Variants in PPP6R3 observed in about 807,000 individuals in gnomAD.
The protein encoded by PPP6R3 is serine/threonine-protein phosphatase 6 regulatory subunit 3.
PPP6R3 carries 38 observed loss-of-function variants against 110.7 expected under a neutral mutation model. That is an observed-to-expected ratio of 0.34 (90% CI 0.26 to 0.45). The LOEUF is 0.45. PPP6R3 is among the 20% of genes least tolerant of loss of function. The pLI, the probability that PPP6R3 is intolerant of heterozygous loss-of-function variation, is 1.00. For synonymous variants in PPP6R3, 369 were observed against 373.5 expected (o/e 0.99, Z 0.14); for missense variants, 870 against 1,062.4 (o/e 0.82, Z 2.52).
At chr11:68,549,838 A>G (rs2099363784) in intron 5 of PPP6R3, among the ~76,000 whole-genome samples, 1 of 152,094 alleles carries the variant, frequency 6.6e-6, no homozygotes, top group Admixed American at 6.5e-5. Context: ...GTTAGTTAGA[A>G]ACCCCTAAAT....
intron 2 of PPP6R3, among the ~76,000 whole-genome samples, chr11:68,527,416 A>G (rs576524028): frequency 2.5e-4 from 38 of 152,260 alleles, no homozygotes; most frequent in African/African-American, 8.7e-4. Context: ...CAGTCTCTAC[A>G]GTGCCCCACC....
intron 1 of PPP6R3, among the ~76,000 whole-genome samples, chr11:68,489,540 G>A: frequency 6.9e-6 from 1 of 144,740 alleles, no homozygotes; most frequent in Non-Finnish European, 1.5e-5. Context: ...TCACTTTGCA[G>A]ATACTGTGTG....
rs1490878894 is a variant in PPP6R3, at chr11:68,489,544, CTGTGTGTT to C, written c.-158+28725_-158+28732del. On this transcript the variant is annotated intron_variant, in intron 1 of 23. Transcript: ENST00000393800. ...CTCACTTTCTTTCACTTTGCAGATA[CTGTGTGTT>C]TGTGTGTGTGTGTGTGTGTGTGTGT... Among the ~76,000 whole-genome samples the C allele has an allele frequency of 4.9e-4, 31 of 63,342 alleles. No individual in the cohort carries two copies. The South Asian group carries it at 0.011, about 22-fold the overall frequency. 41.6% of individuals were successfully genotyped at this position (63,342 alleles called of 152,430 possible).
chr11:68,581,650 C>T (rs2099555006), intron 14 of PPP6R3, among the ~76,000 whole-genome samples: 1 of 152,218 alleles, frequency 6.6e-6, no homozygotes, highest in Non-Finnish European at 1.5e-5. Context: ...TGTGAGATGC[C>T]AGCTGCCATG....
At chr11:68,483,548 T>A (rs1164368262) in intron 1 of PPP6R3, among the ~76,000 whole-genome samples, 3 of 151,746 alleles carry the variant, frequency 2.0e-5, no homozygotes, top group African/African-American at 7.3e-5. Flanking sequence ...AGTGGTGTGA[T>A]CTCGGCTCAT....
chr11:68,554,305 C>A, intron 7 of PPP6R3, 48 bp downstream of exon 7: 1 of 1,378,872 alleles, frequency 7.3e-7, no homozygotes, highest in Non-Finnish European at 1.0e-6. Context: ...TGATGCTGTT[C>A]CATGTGTTAC....
chr11:68,497,890 T>G lies in PPP6R3; in HGVS notation c.-157-21611T>G, dbSNP rs149289932. Among the ~76,000 whole-genome samples, 87 of 152,348 alleles carry G rather than the reference T, an allele frequency of 5.7e-4. 1 individual carries two copies. Among genetic ancestry groups the G allele is most frequent in the African/African-American group, 2.0e-3 (82 of 41,578 alleles). Reference sequence around the variant, plus strand: ...TTTCTGAGTTTTGATTGCCTCATTTTTAATGACTATTTCACTGGATAGATA... The same window carrying G: ...TTTCTGAGTTTTGATTGCCTCATTTGTAATGACTATTTCACTGGATAGATA... On this transcript the variant is annotated intron_variant, in intron 1 of 23. Coordinates refer to ENST00000393800, the MANE Select transcript of PPP6R3 (RefSeq NM_001164161.2).
intron 22 of PPP6R3, among the ~76,000 whole-genome samples, chr11:68,608,824 G>A (rs1277776020): frequency 6.6e-6 from 1 of 152,150 alleles, no homozygotes; most frequent in Non-Finnish European, 1.5e-5. Context: ...ATTTTTTAAA[G>A]AATTAGAATT....
intron 9 of PPP6R3, 92 bp from the exon 10 acceptor site, chr11:68,566,922 T>G (rs2099474897): frequency 9.1e-7 from 1 of 1,101,848 alleles, no homozygotes; most frequent in Non-Finnish European, 1.2e-6. Flanking sequence ...CCATGTTGTT[T>G]GCAGGGTTTA....
At chr11:68,598,445 C>T (rs1490716261) in intron 19 of PPP6R3, among the ~76,000 whole-genome samples, 1 of 152,148 alleles carries the variant, frequency 6.6e-6, no homozygotes, top group Non-Finnish European at 1.5e-5. Flanking sequence ...TCGCGTTTAC[C>T]TACCTCCCGG....
chr11:68,580,328 G>A (rs961225083), intron 14 of PPP6R3, among the ~76,000 whole-genome samples: 9 of 152,184 alleles, frequency 5.9e-5, no homozygotes, highest in African/African-American at 2.2e-4. Flanking sequence ...ACTAAAAAGT[G>A]CCATACCTTG....
Position 68,499,280 on chromosome 11 carries a change from T to C in PPP6R3, c.-157-20221T>C, listed in dbSNP as rs113095926. Among the ~76,000 whole-genome samples, 7 of 152,304 alleles carry C rather than the reference T, an allele frequency of 4.6e-5. 2 individuals carry two copies. Among genetic ancestry groups the C allele is most frequent in the African/African-American group, 1.7e-4 (7 of 41,572 alleles). On this transcript the variant is annotated intron_variant, in intron 1 of 23. Transcript: ENST00000393800. ...TCTGGCTTGGGTGTGATTAGCCCTC[T>C]GAAGCCTTCATGGATCCGCTGGAGG...
intron 1 of PPP6R3, among the ~76,000 whole-genome samples, chr11:68,484,002 C>T (rs1186142541): frequency 2.6e-5 from 4 of 152,180 alleles, no homozygotes; most frequent in Non-Finnish European, 4.4e-5. Flanking sequence ...GCTTCTTTCA[C>T]GTAATAATAT....
intron 4 of PPP6R3, 118 bp from the exon 5 acceptor site, chr11:68,547,949 G>A: frequency 1.9e-6 from 2 of 1,030,774 alleles, no homozygotes; most frequent in Non-Finnish European, 2.7e-6. Context: ...TTCAGCATTT[G>A]CCATTTCTCA....
Position 68,461,202 on chromosome 11 carries a change from C to T in PPP6R3, c.-158+375C>T, listed in dbSNP as rs535245587. Among the ~76,000 whole-genome samples, 553 of 151,484 alleles carry T rather than the reference C, an allele frequency of 3.7e-3. 5 individuals carry two copies. The highest frequency in any genetic ancestry group is 0.013 in the African/African-American group (533 of 41,440). ...CGCCGGCCGCGGCCCGCAGTCTCGCCCCCCGCCCGGCCCGCGCCCGGTCTC... is the reference window on the plus strand; with the variant it reads ...CGCCGGCCGCGGCCCGCAGTCTCGCTCCCCGCCCGGCCCGCGCCCGGTCTC... On this transcript the variant is annotated intron_variant, in intron 1 of 23. Transcript: ENST00000393800.
chr11:68,531,446 T>C (rs955002523), intron 2 of PPP6R3, among the ~76,000 whole-genome samples: 1 of 152,000 alleles, frequency 6.6e-6, no homozygotes, highest in Non-Finnish European at 1.5e-5. Context: ...CAGGTGATTC[T>C]CCCACCTCAG....
chr11:68,614,572 G>GAAAT lies in PPP6R3; in HGVS notation c.*1459_*1462dup, dbSNP rs1393339348. ...GTGCCTAAACATTACATTGCATATG[G>GAAAT]AAATAAAAGAATCAAACGTCTAATG... is the stretch of plus-strand genomic sequence containing the variant. On this transcript the variant is annotated 3_prime_UTR_variant, in exon 24 of 24. Transcript: ENST00000393800. 6.6e-7 allele frequency: 1 copy of GAAAT among 1,505,758 alleles called. No homozygotes were observed. Among genetic ancestry groups the GAAAT allele is most frequent in the Admixed American group, 2.9e-5 (1 of 34,728 alleles). 93.3% of individuals were successfully genotyped at this position (1,505,758 alleles called of 1,614,324 possible). A position where few individuals can be genotyped will look rare whatever the true frequency, so the allele number is the denominator to read the frequency against.
In PPP6R3 at chr11:68,475,287, C is replaced by G. The variant is rs2098820499; in HGVS notation, c.-158+14460C>G. ...CAGAAGAATTTTTCTTAGTACAGAA[C>G]AAAATGAAGTCTCCCATGTCTACTT... On this transcript the variant is annotated intron_variant, in intron 1 of 23. Coordinates refer to ENST00000393800, the MANE Select transcript of PPP6R3 (RefSeq NM_001164161.2). Among the ~76,000 whole-genome samples, 7 of 152,330 alleles carry G rather than the reference C, an allele frequency of 4.6e-5. No individual in the cohort carries two copies. In the South Asian group the frequency reaches 1.4e-3, roughly 32 times the overall value.
rs1342324123 is a variant in PPP6R3, at chr11:68,503,344, C to G, written c.-157-16157C>G. Among the ~76,000 whole-genome samples the G allele has an allele frequency of 5.9e-5, 9 of 152,172 alleles. No individual in the cohort carries two copies. In the East Asian group the frequency reaches 1.7e-3, roughly 29 times the overall value. On this transcript the variant is annotated intron_variant, in intron 1 of 23. Transcript: ENST00000393800. ...TGTTTTAGTTGCTGGGGAAACAGCA[C>G]AAATAAAACAAATGTGAATTTACTT...
Sources: gnomAD v4.1 joint callset for allele counts (sites outside exome capture counted in the v4.1 genomes callset) on GRCh38, gnomAD v4.1.1 for gene constraint, MANE v1.5 for transcripts, NCBI Gene and HGNC (gene_info 2026-07-23, HGNC 2026-07-21) for gene names.